The following METTL16 variants were observed in gnomAD, a reference collection of about 807,000 sequenced individuals.
METTL16 encodes methyltransferase 16, RNA N6-adenosine, also known as RNA N(6)-adenosine-methyltransferase METTL16.
A neutral mutation model predicts 57.9 loss-of-function variants in METTL16; 19 were observed. The ratio of observed to expected loss-of-function variants is 0.33; its 90% CI spans 0.23 to 0.48. The LOEUF is 0.48. METTL16 is among the 20% of genes least tolerant of loss of function. The pLI is 0.99. For missense variants in METTL16, 434 were observed against 691.5 expected (o/e 0.63, Z 4.18); for synonymous variants, 246 against 255.6 (o/e 0.96, Z 0.36).
At chr17:2,473,821 C>G (rs2067251567) in intron 3 of METTL16, among the ~76,000 whole-genome samples, 157 bp from the exon 4 acceptor site, 1 of 152,154 alleles carries the variant, frequency 6.6e-6, no homozygotes, top group African/African-American at 2.4e-5. Flanking sequence ...TCACTGCAGC[C>G]TCAACTTTCT....
chr17:2,438,612 C>T (rs2066925039), intron 7 of METTL16, among the ~76,000 whole-genome samples: 1 of 152,178 alleles, frequency 6.6e-6, no homozygotes, highest in African/African-American at 2.4e-5. Context: ...AGCAATTCTC[C>T]TGCCTCAGCC....
chr17:2,510,975 T>C (rs944596897), intron 1 of METTL16, among the ~76,000 whole-genome samples: 8 of 152,110 alleles, frequency 5.3e-5, no homozygotes, highest in African/African-American at 1.7e-4. Flanking sequence ...AGAGGGTAAA[T>C]ATTTTGTCTG....
At chr17:2,505,976 CTT>C (rs76896497) in intron 1 of METTL16, among the ~76,000 whole-genome samples, 4 of 149,466 alleles carry the variant, frequency 2.7e-5, no homozygotes, top group Non-Finnish European at 6.0e-5. Context: ...GCAGGCTATT[CTT>C]TTTTTTTTGA....
intron 1 of METTL16, among the ~76,000 whole-genome samples, chr17:2,505,312 C>T (rs1027220376): frequency 6.7e-6 from 1 of 149,544 alleles, no homozygotes; most frequent in East Asian, 2.0e-4. Flanking sequence ...TCCAAGAAAT[C>T]ACCACTTCTG....
At chr17:2,422,434 G>A (rs1004514660) in intron 8 of METTL16, among the ~76,000 whole-genome samples, 1 of 151,468 alleles carries the variant, frequency 6.6e-6, no homozygotes, top group Non-Finnish European at 1.5e-5. Flanking sequence ...TCACTGGAGT[G>A]CAATGGCGCC....
At chr17:2,447,900 G>C (rs1335445257) in intron 6 of METTL16, among the ~76,000 whole-genome samples, 1 of 59,134 alleles carries the variant, frequency 1.7e-5, no homozygotes, top group Non-Finnish European at 3.1e-5. Flanking sequence ...GGAGGGAGGT[G>C]GGGGGGGTCA....
At chr17:2,459,391 A>C (rs781539968) in intron 6 of METTL16, among the ~76,000 whole-genome samples, 28 of 152,352 alleles carry the variant, frequency 1.8e-4, no homozygotes, top group East Asian at 5.8e-4. Flanking sequence ...GATACAAAAC[A>C]AAACTGTTAA....
chr17:2,440,305 G>C (rs1039250160), intron 7 of METTL16, among the ~76,000 whole-genome samples: 2 of 151,688 alleles, frequency 1.3e-5, no homozygotes, highest in African/African-American at 4.8e-5. Flanking sequence ...CTGGAGTGCA[G>C]TGGCACGATC....
intron 6 of METTL16, among the ~76,000 whole-genome samples, chr17:2,449,707 A>G (rs1043511252): frequency 2.2e-4 from 33 of 152,190 alleles, no homozygotes; most frequent in African/African-American, 8.0e-4. Context: ...AAAGGCCACT[A>G]AAGGTTTGGT....
rs576901922 is a variant in METTL16 at position 2,455,478 on chromosome 17, G to A, written c.728+8730C>T. ...CTTTCACCAGCTAACGCAGAACCAA[G>A]CAGTGACTATGTCACGTAGTCGGAA... On this transcript the variant is annotated intron_variant, in intron 6 of 9. Coordinates refer to ENST00000263092, the MANE Select transcript of METTL16 (RefSeq NM_024086.4). 2.0e-4 allele frequency among the ~76,000 whole-genome samples: 30 copies of A among 152,250 alleles called. 1 individual carries two copies. The highest frequency in any genetic ancestry group is 7.2e-4 in the African/African-American group (30 of 41,550).
chr17:2,489,314 T>G (rs1308650142), intron 2 of METTL16, among the ~76,000 whole-genome samples: 3 of 151,742 alleles, frequency 2.0e-5, no homozygotes, highest in African/African-American at 7.3e-5. Context: ...AAAAGAAAAA[T>G]CTAGTCATCC....
chr17:2,492,256 C>G (rs548683055), intron 2 of METTL16, among the ~76,000 whole-genome samples: 2 of 152,228 alleles, frequency 1.3e-5, no homozygotes, highest in Admixed American at 1.3e-4. Context: ...TTAAGTGTCA[C>G]ATTCTATTCA....
intron 6 of METTL16, among the ~76,000 whole-genome samples, chr17:2,458,805 C>CTTTT (rs58409318): frequency 6.8e-6 from 1 of 146,552 alleles, no homozygotes. Context: ...GGGTGAGTCC[C>CTTTT]TTTTTTTTTT....
chr17:2,471,770 G>A (rs539004417), intron 4 of METTL16, among the ~76,000 whole-genome samples: 1 of 152,152 alleles, frequency 6.6e-6, no homozygotes, highest in South Asian at 2.1e-4. Flanking sequence ...CCTGGCGACA[G>A]AGCGAGACTC....
chr17:2,459,292 A>G (rs941385845), intron 6 of METTL16, among the ~76,000 whole-genome samples: 1 of 152,222 alleles, frequency 6.6e-6, no homozygotes, highest in Non-Finnish European at 1.5e-5. Flanking sequence ...GACTAGAATG[A>G]GGATATCTGA....
intron 6 of METTL16, among the ~76,000 whole-genome samples, chr17:2,455,863 G>A (rs1336353212): frequency 6.6e-6 from 1 of 152,044 alleles, no homozygotes; most frequent in Admixed American, 6.6e-5. Context: ...TGCACGTATA[G>A]TCCTAGCTAC....
chr17:2,452,873 T>C (rs2067081376), intron 6 of METTL16, among the ~76,000 whole-genome samples: 2 of 152,248 alleles, frequency 1.3e-5, no homozygotes, highest in South Asian at 2.1e-4. Flanking sequence ...TTTTTAGACT[T>C]TTTTTCAGAC....
intron 8 of METTL16, among the ~76,000 whole-genome samples, chr17:2,432,626 G>A (rs767613971): frequency 6.6e-6 from 1 of 151,950 alleles, no homozygotes; most frequent in Non-Finnish European, 1.5e-5. Flanking sequence ...CACGGTCATC[G>A]CCAAGGTCTG....
chr17:2,430,466 A>G (rs545753955), intron 8 of METTL16, among the ~76,000 whole-genome samples: 2 of 132,918 alleles, frequency 1.5e-5, no homozygotes, highest in African/African-American at 5.8e-5. Context: ...CCCAGGCTGG[A>G]GTGCAGTGGC....
Sources: allele counts gnomAD v4.1 joint callset (sites outside exome capture counted in the v4.1 genomes callset), GRCh38; gene constraint gnomAD v4.1.1; transcripts MANE v1.5; gene names NCBI Gene and HGNC (gene_info 2026-07-23, HGNC 2026-07-21).